The following TAOK3 variants were observed in gnomAD, a reference collection of about 807,000 sequenced individuals.
The protein encoded by TAOK3 is TAO kinase 3.
Under a neutral mutation model 120.4 loss-of-function variants are expected in TAOK3, and 40 were observed. That is an observed-to-expected ratio of 0.33 (90% CI 0.26 to 0.43). The LOEUF (loss-of-function observed/expected upper bound fraction) is 0.43. Ranked by LOEUF, TAOK3 falls within the 20% of genes least tolerant of loss-of-function variation. The pLI is 1.00. For missense variants in TAOK3, 821 were observed against 1,112.1 expected, an observed-to-expected ratio of 0.74 and a Z score of 3.72; for synonymous variants, 355 against 387.5, an observed-to-expected ratio of 0.92 and a Z score of 0.99.
intron 20 of TAOK3, 120 bp from the exon 21 acceptor site, chr12:118,151,278 T>A: frequency 1.6e-6 from 1 of 631,684 alleles, no homozygotes; most frequent in Non-Finnish European, 2.5e-6. Flanking sequence ...ACACATGAAG[T>A]GCGCGCGCGC....
chr12:118,239,204 G>T (rs1338641634), intron 6 of TAOK3, 23 bp downstream of exon 6: 2 of 1,466,382 alleles, frequency 1.4e-6, no homozygotes, highest in East Asian at 4.5e-5. Context: ...ACAGAAAGGA[G>T]AGTTTAATTC....
intron 19 of TAOK3, among the ~76,000 whole-genome samples, chr12:118,157,130 T>C (rs2034888600): frequency 6.6e-6 from 1 of 152,100 alleles, no homozygotes; most frequent in African/African-American, 2.4e-5. Flanking sequence ...TACTCTCAAT[T>C]CTACCTCCCA....
Position 118,371,069 on chromosome 12 carries a change from A to T in TAOK3, c.-194+1579T>A, listed in dbSNP as rs1354433993. ...ACAGTCCAGATTCCAAACCTAGTAT[A>T]GTTCCTTTAAATCTGCATTGTAAAC... On this transcript the variant is annotated intron_variant, in intron 1 of 20. Coordinates refer to ENST00000392533, the MANE Select transcript of TAOK3 (RefSeq NM_016281.4). This position sits in a 1 kb window ranked among gnomAD's most constrained non-coding sequence, Gnocchi z 5.5. Among the ~76,000 whole-genome samples the T allele has an allele frequency of 6.6e-6, 1 of 152,242 alleles. No individual in the cohort carries two copies. Among genetic ancestry groups the T allele is most frequent in the Non-Finnish European group, 1.5e-5 (1 of 68,044 alleles).
chr12:118,201,272 C>G (rs754701167), intron 12 of TAOK3, 24 bp downstream of exon 12: 1 of 1,601,770 alleles, frequency 6.2e-7, no homozygotes, highest in South Asian at 1.1e-5. Context: ...TCTATAAGTG[C>G]CTGCTAAAAT....
At chr12:118,321,524 T>G (rs1476592011) in intron 1 of TAOK3, among the ~76,000 whole-genome samples, 1 of 152,122 alleles carries the variant, frequency 6.6e-6, no homozygotes, top group Non-Finnish European at 1.5e-5. Flanking sequence ...TTTCCCAAAG[T>G]GCTGGGATTA....
chr12:118,296,802 C>G (rs1373778554), intron 1 of TAOK3: 1 of 152,190 alleles, frequency 6.6e-6, no homozygotes, highest in Non-Finnish European at 1.5e-5. Context: ...CTGCAATAAA[C>G]TTCACATAAC....
intron 11 of TAOK3, among the ~76,000 whole-genome samples, chr12:118,207,858 T>TCACAGACACACACA (rs2038410182): frequency 6.9e-6 from 1 of 144,350 alleles, no homozygotes. Flanking sequence ...AGACTCTGTC[T>TCACAGACACACACA]CACACACACA....
rs188940070 is a variant in TAOK3, at chr12:118,159,788, G to T, written c.2352+358C>A. On this transcript the variant is annotated intron_variant, in intron 19 of 20. Coordinates refer to ENST00000392533, the MANE Select transcript of TAOK3 (RefSeq NM_016281.4). ...TCACTTGACTGTGGGCTCCCTAAGG[G>T]CAGGGACTCTTATTCATTTGTGCCT... The T allele has an allele frequency of 1.6e-3, 490 of 314,262 alleles. 3 individuals are homozygous for T. The highest frequency in any genetic ancestry group is 2.4e-3 in the Non-Finnish European group (395 of 165,734). The allele number at this position is 314,262 out of a possible 1,614,324, so 19.5% of individuals were successfully genotyped here. A position where few individuals can be genotyped will look rare whatever the true frequency, so the allele number is the denominator to read the frequency against.
chr12:118,345,719 G>A (rs1050114328), intron 1 of TAOK3, among the ~76,000 whole-genome samples: 4 of 151,566 alleles, frequency 2.6e-5, no homozygotes, highest in African/African-American at 4.8e-5. Context: ...TCATGCTCCT[G>A]GAAACCAAGT....
intron 1 of TAOK3, among the ~76,000 whole-genome samples, chr12:118,324,709 T>A (rs991243072): frequency 6.6e-6 from 1 of 151,636 alleles, no homozygotes; most frequent in Admixed American, 6.6e-5. Flanking sequence ...CTCATCCATG[T>A]TGTTGCAAAG....
In TAOK3 at chr12:118,199,038, C is replaced by T; in HGVS notation, c.1194+13G>A. 6 of 1,613,724 alleles carry T rather than the reference C, an allele frequency of 3.7e-6. No individual in the cohort carries two copies. The highest frequency in any genetic ancestry group is 5.1e-6 in the Non-Finnish European group (6 of 1,179,622). ...ACAAAGCTCACCTCTGTGGAGGGTA[C>T]CAAGAAACCTACTTTCTTATGCACG... On this transcript the variant is annotated intron_variant, in intron 13 of 20. Transcript: ENST00000392533.
Position 118,181,389 on chromosome 12 carries a change from C to T in TAOK3, c.1548G>A (p.Val516=), listed in dbSNP as rs192359450. Residue 516 remains valine (V), a synonymous_variant, in exon 15 of 21, where the codon GTG becomes GTA. Transcript: ENST00000392533. ...TACTGACCTCCTTTTCTATGATAGC[C>T]ACTTGCTTCTTGGCCAGCTTCTCCA... The part of the protein sequence containing the change: ...IELEKLAKKQ[V]AIIEKEAKVA... 2.3e-4 allele frequency: 374 copies of T among 1,613,936 alleles called. 4 individuals carry two copies. In the East Asian group the frequency reaches 8.0e-3, roughly 34 times the overall value.
At chr12:118,337,122 T>A (rs1010687792) in intron 1 of TAOK3, among the ~76,000 whole-genome samples, 1 of 152,122 alleles carries the variant, frequency 6.6e-6, no homozygotes, top group African/African-American at 2.4e-5. Context: ...TAAAGAGGAT[T>A]TACAAATGGA....
chr12:118,289,323 C>G (rs370947630), intron 1 of TAOK3, among the ~76,000 whole-genome samples: 1 of 112,144 alleles, frequency 8.9e-6, no homozygotes, highest in Non-Finnish European at 1.9e-5. Flanking sequence ...AAAAAGAAAA[C>G]AAAAGTGTTA....
At chr12:118,316,725 T>C (rs746438020) in intron 1 of TAOK3, among the ~76,000 whole-genome samples, 2 of 152,130 alleles carry the variant, frequency 1.3e-5, no homozygotes, top group Non-Finnish European at 2.9e-5. Flanking sequence ...AATGACATGA[T>C]CTTATATCCA....
Position 118,255,642 on chromosome 12 carries a change from TA to T in TAOK3, c.-76del. On this transcript the variant is annotated 5_prime_UTR_variant, in exon 3 of 21. Transcript: ENST00000392533. ...CTCATTGACAATTTTTTTTGGGGGG[TA>T]AATCTTCAGTACCTGTAGAAAAATA... 1 of 1,467,694 alleles carries T rather than the reference TA, an allele frequency of 6.8e-7. No individual in the cohort carries two copies. Among genetic ancestry groups the T allele is most frequent in the Non-Finnish European group, 9.2e-7 (1 of 1,085,652 alleles). 90.9% of individuals were successfully genotyped at this position (1,467,694 alleles called of 1,614,324 possible).
intron 17 of TAOK3, among the ~76,000 whole-genome samples, chr12:118,168,953 TTGCTTTCCTTCC>T (rs2035783578): frequency 6.7e-6 from 1 of 148,566 alleles, no homozygotes; most frequent in African/African-American, 2.5e-5. Flanking sequence ...ATCAGCTTGC[TTGCTTTCCTTCC>T]TTCCTTCCTT....
chr12:118,341,737 T>C (rs2044628875), intron 1 of TAOK3, among the ~76,000 whole-genome samples: 1 of 152,220 alleles, frequency 6.6e-6, no homozygotes, highest in Non-Finnish European at 1.5e-5. Flanking sequence ...CCCTTCTGTG[T>C]TGGCTAGGTG....
chr12:118,192,191 A>T (rs534815619), intron 13 of TAOK3, among the ~76,000 whole-genome samples: 10 of 152,322 alleles, frequency 6.6e-5, no homozygotes, highest in Non-Finnish European at 1.2e-4. Flanking sequence ...TGTATTTTCT[A>T]AGTTTACTAA....
Sources: gnomAD v4.1 joint callset for allele counts (sites outside exome capture counted in the v4.1 genomes callset) on GRCh38, gnomAD v4.1.1 for gene constraint, Gnocchi (gnomAD v3.1) non-coding constraint, MANE v1.5 for transcripts, NCBI Gene and HGNC (gene_info 2026-07-23, HGNC 2026-07-21) for gene names.